ADGRF1: variants seen among roughly 807,000 people sequenced by gnomAD.
The protein encoded by ADGRF1 is adhesion G protein-coupled receptor F1.
In ADGRF1, 85 loss-of-function variants were observed where a neutral mutation model predicts 87.2. That is an observed-to-expected ratio of 0.97 (90% CI 0.82 to 1.17). The LOEUF (loss-of-function observed/expected upper bound fraction) is 1.17, where lower values mean the gene tolerates loss of function less well. Among genes scored for constraint, ADGRF1 ranks in the 50% most tolerant of loss-of-function variants. ADGRF1 has a pLI of 0.00. For synonymous variants in ADGRF1, 430 were observed against 408.8 expected (o/e 1.05, Z -0.63); for missense variants, 1,169 against 1,077.2 (o/e 1.09, Z -1.19).
chr6:47,015,800 G>C (rs1240263995), intron 8 of ADGRF1, among the ~76,000 whole-genome samples: 2 of 149,492 alleles, frequency 1.3e-5, no homozygotes, highest in Non-Finnish European at 3.0e-5. Context: ...ATTTCACCAT[G>C]TTGGCCAGGC....
At chr6:47,003,334 T>C (rs1162718064) in intron 13 of ADGRF1, among the ~76,000 whole-genome samples, 1 of 152,198 alleles carries the variant, frequency 6.6e-6, no homozygotes, top group East Asian at 1.9e-4. Context: ...TACCACAAAA[T>C]ATATTTCTTT....
chr6:47,018,269 A>T (rs1481504962), intron 7 of ADGRF1: 1 of 658,802 alleles, frequency 1.5e-6, no homozygotes, highest in Non-Finnish European at 2.2e-6. Context: ...TCAATACATT[A>T]AGTCAATCCT....
rs1779260323 is a variant in ADGRF1, at chr6:46,998,022, A to C, written c.*2200T>G. ...TAAATTTTTCTTCCCTCTCCAACTG[A>C]GTCTTGTGTTGAGTTGCCTACTTGC... On this transcript the variant is annotated 3_prime_UTR_variant, in exon 15 of 15. Transcript: ENST00000371253. 1.3e-5 allele frequency: 2 copies of C among 152,124 alleles called. No individual in the cohort carries two copies. Among genetic ancestry groups the C allele is most frequent in the South Asian group, 4.1e-4 (2 of 4,820 alleles). 9.4% of individuals were successfully genotyped at this position (152,124 alleles called of 1,614,324 possible). A position where few individuals can be genotyped will look rare whatever the true frequency, so the allele number is the denominator to read the frequency against.
intron 11 of ADGRF1, among the ~76,000 whole-genome samples, chr6:47,007,530 C>T (rs181695132): frequency 6.6e-6 from 1 of 152,180 alleles, no homozygotes; most frequent in Non-Finnish European, 1.5e-5. Context: ...AATGACCAAG[C>T]GAATGAAGTT....
rs148063712 is a variant in ADGRF1, at chr6:47,009,071, G to A, written c.2364C>T (p.Arg788=). 3.8e-5 allele frequency: 61 copies of A among 1,614,034 alleles called. 1 individual carries two copies. The African/African-American group carries it at 3.9e-4, about 10-fold the overall frequency. The change falls in exon 11 of 15, where the codon CGC becomes CGT. Residue 788 remains arginine (R), a synonymous_variant. Transcript: ENST00000371253. ...TCAGAATGAGGAGGCTCTTCCCCAC[G>A]CGGATGATGGTGGCCTTGTCATCCC... ...LSRDDKATII[R]VGKSLLILTP...
Position 47,014,282 on chromosome 6 carries a change from T to C in ADGRF1, c.927+399A>G, listed in dbSNP as rs773197433. On this transcript the variant is annotated intron_variant, in intron 9 of 14. Transcript: ENST00000371253. ...ACCCACTCCTTGCCCTAATTTCTGG[T>C]ATAGATATATCCTTACTTGTACTAA... 538 of 989,648 alleles carry C rather than the reference T, an allele frequency of 5.4e-4. 1 individual carries two copies. Among genetic ancestry groups the C allele is most frequent in the Admixed American group, 1.1e-3 (19 of 16,590 alleles). The allele number at this position is 989,648 out of a possible 1,614,324, so 61.3% of individuals were successfully genotyped here.
chr6:47,016,841 T>G, intron 7 of ADGRF1, 73 bp from the exon 8 acceptor site: 1 of 1,462,670 alleles, frequency 6.8e-7, no homozygotes, highest in Non-Finnish European at 9.1e-7. Context: ...CTATGCTGTG[T>G]GTACATGCCA....
At chr6:47,013,161 C>T in intron 9 of ADGRF1, 1 of 985,448 alleles carries the variant, frequency 1.0e-6, no homozygotes, top group African/African-American at 1.7e-5. Flanking sequence ...AAGGCAGTCC[C>T]CTTCCACTCA....
At chr6:47,016,560 G>T in intron 8 of ADGRF1, 57 bp downstream of exon 8, 1 of 1,405,018 alleles carries the variant, frequency 7.1e-7, no homozygotes, top group Non-Finnish European at 9.4e-7. Flanking sequence ...GGACACAAAT[G>T]AACTACTAAT....
At chr6:47,012,659 T>C (rs955915026) in intron 9 of ADGRF1, 2 of 988,268 alleles carry the variant, frequency 2.0e-6, no homozygotes, top group Middle Eastern at 5.2e-4. Flanking sequence ...AGTAATCCTG[T>C]TATGTTCACC....
At chr6:47,013,183 A>T (rs574569187) in intron 9 of ADGRF1, 16 of 985,304 alleles carry the variant, frequency 1.6e-5, no homozygotes, top group Non-Finnish European at 1.7e-5. Context: ...CATTAAGTCC[A>T]CTCAGGCGCC....
Position 47,009,096 on chromosome 6 carries a change from C to T in ADGRF1, c.2339G>A (p.Arg780Gln), listed in dbSNP as rs150153137. ...GCGGATGATGGTGGCCTTGTCATCC[C>T]GACTCAGTCTTTCCCCAACAGTCGG... The part of the protein sequence containing the change: ...WRPTVGERLS[R>Q]DDKATIIRVG... Residue 780 changes from arginine to glutamine, a missense_variant, in exon 11 of 15, where the codon CGG becomes CAG. Physicochemically the swap from Arg to Gln is conservative, Grantham distance 43. Transcript: ENST00000371253. 47 of 1,613,910 alleles carry T rather than the reference C, an allele frequency of 2.9e-5. No homozygotes were observed. In the African/African-American group the frequency reaches 3.7e-4, roughly 13 times the overall value.
chr6:47,033,247 G>A (rs915049875), intron 1 of ADGRF1, among the ~76,000 whole-genome samples: 4 of 152,212 alleles, frequency 2.6e-5, no homozygotes, highest in Non-Finnish European at 4.4e-5. Flanking sequence ...GCACTTCCTT[G>A]AATTCATTCA....
rs928474556 is a variant in ADGRF1 at position 47,006,600 on chromosome 6, T to C, written c.2532+653A>G. On this transcript the variant is annotated intron_variant, in intron 12 of 14. Transcript: ENST00000371253. ...ACATGAGTAAGTTCTTTAGTGGTGATTTGTGAGATTCTGATGCACCCATCA... is the reference window on the plus strand; with the variant it reads ...ACATGAGTAAGTTCTTTAGTGGTGACTTGTGAGATTCTGATGCACCCATCA... Among the ~76,000 whole-genome samples, 4 of 152,148 alleles carry C rather than the reference T, an allele frequency of 2.6e-5. No individual in the cohort carries two copies. In the East Asian group the frequency reaches 5.8e-4, roughly 22 times the overall value.
chr6:47,034,764 T>C (rs548796706), intron 1 of ADGRF1, among the ~76,000 whole-genome samples: 2 of 152,342 alleles, frequency 1.3e-5, no homozygotes, highest in East Asian at 3.9e-4. Context: ...CTATGTTTCA[T>C]TGACTGGTTG....
chr6:47,022,563 C>T (rs903443651), intron 5 of ADGRF1, among the ~76,000 whole-genome samples: 3 of 152,218 alleles, frequency 2.0e-5, no homozygotes, highest in African/African-American at 7.2e-5. Context: ...AAGGTCTTCT[C>T]TAATCCTCAG....
At chr6:47,011,407 G>T (rs188488767) in intron 10 of ADGRF1, among the ~76,000 whole-genome samples, 1 of 152,244 alleles carries the variant, frequency 6.6e-6, no homozygotes, top group East Asian at 1.9e-4. Flanking sequence ...ATGTTTGGAA[G>T]GATATTTATT....
intron 11 of ADGRF1, among the ~76,000 whole-genome samples, chr6:47,008,683 C>T (rs1162893931): frequency 6.6e-6 from 1 of 152,210 alleles, no homozygotes; most frequent in Non-Finnish European, 1.5e-5. Flanking sequence ...GAGTCAGCAG[C>T]AAGCGAGATT....
chr6:47,012,015 T>G lies in ADGRF1; in HGVS notation c.1108A>C (p.Thr370Pro). 1 of 1,613,352 alleles carries G rather than the reference T, an allele frequency of 6.2e-7. No homozygotes were observed. Residue 370 changes from threonine (T) to proline (P), a missense_variant, in exon 10 of 15, where the codon ACA becomes CCA. Transcript: ENST00000371253. ...LASHFRVSNSTMEDVISIADN... is the reference protein window; with the variant it reads ...LASHFRVSNSPMEDVISIADN... The stretch of plus-strand genomic sequence containing the variant: ...GCACAGGCAGACCATACCTCCATTG[T>G]TGAATTGGACACCCTGAAATGGCTG...
Sources: allele counts gnomAD v4.1 joint callset (sites outside exome capture counted in the v4.1 genomes callset), GRCh38; gene constraint gnomAD v4.1.1; transcripts MANE v1.5; gene names NCBI Gene and HGNC (gene_info 2026-07-23, HGNC 2026-07-21).